The following ANTXR2 variants were observed in gnomAD, a reference collection of about 807,000 sequenced individuals.
ANTXR2 encodes anthrax toxin receptor 2.
In ANTXR2, 44 loss-of-function variants were observed where a neutral mutation model predicts 73.7. That is an observed-to-expected ratio of 0.60 (90% CI 0.47 to 0.77). The LOEUF is 0.77. Among genes scored for constraint, ANTXR2 ranks in the 30% least tolerant of loss-of-function variants. The probability of loss-of-function intolerance (pLI) is 0.00; values close to 1 mark genes in which losing one functional copy is unlikely to be tolerated. For missense variants in ANTXR2, 604 were observed against 592.5 expected (o/e 1.02, Z -0.20); for synonymous variants, 217 against 205.9 (o/e 1.05, Z -0.46).
intron 7 of ANTXR2, among the ~76,000 whole-genome samples, chr4:80,040,195 A>C (rs1182351457): frequency 4.6e-5 from 7 of 151,908 alleles, no homozygotes. Context: ...GATGGGATCA[A>C]CTGGACCCAA....
At position 79,937,710 on chromosome 4, in the gene ANTXR2, C is replaced by T. The variant is rs192453352; in HGVS notation, c.1429-30243G>A. 4.0e-5 allele frequency among the ~76,000 whole-genome samples: 6 copies of T among 151,692 alleles called. No homozygotes were observed. In the East Asian group the frequency reaches 7.8e-4, roughly 20 times the overall value. Reference sequence around the variant, plus strand: ...GCACTGTGATAGTGTTTTTAAAACCCCCTAAGAGAGGAGCCAAGATGGCCG... The same window carrying T: ...GCACTGTGATAGTGTTTTTAAAACCTCCTAAGAGAGGAGCCAAGATGGCCG... On this transcript the variant is annotated intron_variant, in intron 16 of 16. Transcript: ENST00000403729.
intron 11 of ANTXR2, among the ~76,000 whole-genome samples, chr4:80,014,961 C>T (rs960548927): frequency 6.6e-6 from 1 of 152,224 alleles, no homozygotes; most frequent in Non-Finnish European, 1.5e-5. Context: ...ACTCTTCCCT[C>T]TTGCAACAGT....
chr4:80,023,258 C>T (rs1029487964), intron 10 of ANTXR2, among the ~76,000 whole-genome samples: 2 of 152,172 alleles, frequency 1.3e-5, no homozygotes, highest in Non-Finnish European at 2.9e-5. Context: ...CATATTCTTC[C>T]TGTTATAAAA....
At chr4:79,917,749 G>A (rs1727412313) in intron 16 of ANTXR2, among the ~76,000 whole-genome samples, 1 of 151,892 alleles carries the variant, frequency 6.6e-6, no homozygotes, top group East Asian at 1.9e-4. Context: ...GCTTTTCTAA[G>A]GGTAAACGTT....
intron 16 of ANTXR2, among the ~76,000 whole-genome samples, chr4:79,931,294 T>G (rs1728042955): frequency 6.6e-6 from 1 of 152,222 alleles, no homozygotes; most frequent in Non-Finnish European, 1.5e-5. Flanking sequence ...TATTATATTT[T>G]ATTTTTCAAG....
Position 79,990,383 on chromosome 4 carries a change from C to CAAAAAAAAAAAAAAAAA in ANTXR2, c.1042-5537_1042-5521dup, listed in dbSNP as rs70944757. ...ATCAAGAATTCAATAACAACAGTTA[C>CAAAAAAAAAAAAAAAAA]AAAAAAAAAAAAAAAAAAACACCTT... On this transcript the variant is annotated intron_variant, in intron 12 of 16. Coordinates refer to ENST00000403729, the MANE Select transcript of ANTXR2 (RefSeq NM_058172.6). Among the ~76,000 whole-genome samples, 8 of 76,930 alleles carry CAAAAAAAAAAAAAAAAA rather than the reference C, an allele frequency of 1.0e-4. 1 individual carries two copies. Among genetic ancestry groups the CAAAAAAAAAAAAAAAAA allele is most frequent in the Non-Finnish European group, 1.7e-4 (7 of 40,244 alleles). The allele number at this position is 76,930 out of a possible 152,430, so 50.5% of individuals were successfully genotyped here.
intron 7 of ANTXR2, 85 bp from the exon 8 acceptor site, chr4:80,036,117 G>A: frequency 3.6e-6 from 4 of 1,125,546 alleles, no homozygotes; most frequent in Non-Finnish European, 5.0e-6. Context: ...TAATAACCTT[G>A]AGGTCTTCTC....
chr4:79,984,839 G>A lies in ANTXR2; in HGVS notation c.1066C>T (p.Pro356Ser), dbSNP rs777052751. The A allele has an allele frequency of 2.5e-6, 4 of 1,600,536 alleles. No individual in the cohort carries two copies. Among genetic ancestry groups the A allele is most frequent in the South Asian group, 2.3e-5 (2 of 88,762 alleles). ...KVVIKDPPPP[P>S]APAPKEEEEE... Reference sequence around the variant, plus strand: ...CTTACCTCTTTTGGTGCAGGGGCGGGTGGTGGTGGAGGATCCTTAATAACC... The same window carrying A: ...CTTACCTCTTTTGGTGCAGGGGCGGATGGTGGTGGAGGATCCTTAATAACC... Residue 356 changes from proline (P) to serine (S), a missense_variant, in exon 13 of 17, where the codon CCC (proline) becomes TCC (serine). Pro to Ser is a moderately conservative substitution (Grantham distance 74). Coordinates refer to ENST00000403729, the MANE Select transcript of ANTXR2 (RefSeq NM_058172.6).
chr4:80,072,692 G>A lies in ANTXR2; in HGVS notation c.-132C>T. ...GCGAGCAGCTGAGACGCCGGCGCCT[G>A]CGGCAGCGGGACCCACCAGCTGACA... is the stretch of plus-strand genomic sequence containing the variant. On this transcript the variant is annotated 5_prime_UTR_variant, in exon 1 of 17. Coordinates refer to ENST00000403729, the MANE Select transcript of ANTXR2 (RefSeq NM_058172.6). 7.4e-7 allele frequency: 1 copy of A among 1,343,382 alleles called. No homozygotes were observed. Among genetic ancestry groups the A allele is most frequent in the African/African-American group, 1.5e-5 (1 of 65,076 alleles). The allele number at this position is 1,343,382 out of a possible 1,614,324, so 83.2% of individuals were successfully genotyped here. A position where few individuals can be genotyped will look rare whatever the true frequency, so the allele number is the denominator to read the frequency against.
chr4:79,910,585 T>A (rs1727095882), intron 16 of ANTXR2, among the ~76,000 whole-genome samples: 1 of 150,930 alleles, frequency 6.6e-6, no homozygotes, highest in Admixed American at 6.6e-5. Context: ...GTTATCCATA[T>A]TCCCTCTATA....
chr4:79,935,181 A>G (rs937500103), intron 16 of ANTXR2, among the ~76,000 whole-genome samples: 1 of 151,922 alleles, frequency 6.6e-6, no homozygotes, highest in African/African-American at 2.4e-5. Flanking sequence ...TATGACCTCT[A>G]CAAAGGTGGA....
intron 3 of ANTXR2, among the ~76,000 whole-genome samples, chr4:80,063,657 A>C (rs900377655): frequency 6.6e-6 from 1 of 152,038 alleles, no homozygotes; most frequent in African/African-American, 2.4e-5. Context: ...TTTTTATTTT[A>C]TAAAAATAAA....
chr4:80,064,175 G>A (rs1734390372), intron 3 of ANTXR2, among the ~76,000 whole-genome samples: 1 of 152,152 alleles, frequency 6.6e-6, no homozygotes, highest in Admixed American at 6.5e-5. Flanking sequence ...TTTGCCTACG[G>A]AAGATTTTTT....
At chr4:80,025,423 T>G (rs1732382421) in intron 10 of ANTXR2, among the ~76,000 whole-genome samples, 1 of 152,218 alleles carries the variant, frequency 6.6e-6, no homozygotes, top group Non-Finnish European at 1.5e-5. Flanking sequence ...TGACTTTATA[T>G]ATATCCAATA....
At chr4:79,957,261 A>T (rs1232756480) in intron 16 of ANTXR2, among the ~76,000 whole-genome samples, 1 of 152,138 alleles carries the variant, frequency 6.6e-6, no homozygotes, top group Non-Finnish European at 1.5e-5. Flanking sequence ...TCCACAGACT[A>T]TAAATAAAAT....
chr4:80,003,146 G>C (rs1731133338), intron 12 of ANTXR2, among the ~76,000 whole-genome samples: 1 of 152,066 alleles, frequency 6.6e-6, no homozygotes, highest in Non-Finnish European at 1.5e-5. Context: ...CAATAGCAAA[G>C]ACTTGGAACC....
At chr4:80,028,125 T>C (rs1290490870) in intron 10 of ANTXR2, among the ~76,000 whole-genome samples, 1 of 152,096 alleles carries the variant, frequency 6.6e-6, no homozygotes, top group Admixed American at 6.6e-5. Context: ...GTTTAAATAA[T>C]AAGAGTTTGT....
At chr4:80,034,419 C>T (rs1578173480) in intron 8 of ANTXR2, among the ~76,000 whole-genome samples, 1 of 147,478 alleles carries the variant, frequency 6.8e-6, no homozygotes, top group Non-Finnish European at 1.5e-5. Flanking sequence ...TTGAATTAGA[C>T]AGATCCAAAT....
chr4:79,963,182 C>A (rs934262164), intron 16 of ANTXR2, among the ~76,000 whole-genome samples: 3 of 152,052 alleles, frequency 2.0e-5, no homozygotes, highest in Non-Finnish European at 4.4e-5. Context: ...AAGAAGCCAC[C>A]ATTAAAAAGG....
Sources: gnomAD v4.1 joint callset for allele counts (sites outside exome capture counted in the v4.1 genomes callset) on GRCh38, gnomAD v4.1.1 for gene constraint, MANE v1.5 for transcripts, NCBI Gene and HGNC (gene_info 2026-07-23, HGNC 2026-07-21) for gene names.